WNK2: variants seen among roughly 807,000 people sequenced by gnomAD.
The protein encoded by WNK2 is WNK lysine deficient protein kinase 2, also known as serine/threonine-protein kinase WNK2.
A neutral mutation model predicts 192.1 loss-of-function variants in WNK2; 67 were observed. The observed-to-expected ratio is 0.35, with a 90% CI of 0.29 to 0.43. The LOEUF is 0.43. Ranked by LOEUF, WNK2 falls within the 20% of genes least tolerant of loss-of-function variation. The probability of loss-of-function intolerance (pLI) is 1.00; values close to 1 mark genes in which losing one functional copy is unlikely to be tolerated. For missense variants in WNK2, 2,698 were observed against 3,089.7 expected (o/e 0.87, Z 3.01); for synonymous variants, 1,439 against 1,393.9 (o/e 1.03, Z -0.72).
In WNK2 at chr9:93,191,740, A is replaced by C. The variant is rs569832583; in HGVS notation, c.681+6130A>C. Among the ~76,000 whole-genome samples the C allele has an allele frequency of 9.9e-5, 15 of 152,260 alleles. No individual in the cohort carries two copies. In the East Asian group the frequency reaches 2.7e-3, roughly 27 times the overall value. On this transcript the variant is annotated intron_variant, in intron 2 of 29. Transcript: ENST00000427277. ...CATCAGATCTGAAGGTAGAGAAGGT[A>C]GGAATCGTCCAGGCATGGTGACTCA...
intron 2 of WNK2, among the ~76,000 whole-genome samples, chr9:93,210,476 G>A (rs1391424637): frequency 6.6e-6 from 1 of 152,116 alleles, no homozygotes. Context: ...CTGCCTCTGG[G>A]CCCATTGAAC....
chr9:93,224,554 G>A (rs976581276), intron 2 of WNK2, among the ~76,000 whole-genome samples: 2 of 152,196 alleles, frequency 1.3e-5, no homozygotes, highest in African/African-American at 4.8e-5. Flanking sequence ...GGGCTTTGCT[G>A]CCCGGCTTGG....
In WNK2 at chr9:93,239,375, C is replaced by T. The variant is rs368490473; in HGVS notation, c.1323-382C>T. Among the ~76,000 whole-genome samples, 20 of 152,356 alleles carry T rather than the reference C, an allele frequency of 1.3e-4. No homozygotes were observed. Among genetic ancestry groups the T allele is most frequent in the African/African-American group, 4.8e-4 (20 of 41,590 alleles). The stretch of plus-strand genomic sequence containing the variant: ...GCTCCGCCTCTGTGTCCATTTTAGA[C>T]CTACCCAGGACTAAACACTAAAATG... On this transcript the variant is annotated intron_variant, in intron 6 of 29. Coordinates refer to ENST00000427277, the MANE Select transcript of WNK2 (RefSeq NM_006648.4). The surrounding 1 kb of genome is among the most constrained non-coding windows in gnomAD (Gnocchi z 4.2).
chr9:93,289,706 G>T, intron 20 of WNK2, 86 bp downstream of exon 20: 1 of 1,304,852 alleles, frequency 7.7e-7, no homozygotes, highest in Non-Finnish European at 1.0e-6. Flanking sequence ...AGGCATCTTG[G>T]CTATGCAGAG....
At chr9:93,188,434 G>T (rs1829733783) in intron 2 of WNK2, among the ~76,000 whole-genome samples, 1 of 152,244 alleles carries the variant, frequency 6.6e-6, no homozygotes, top group Non-Finnish European at 1.5e-5. Context: ...ACATCGAAGG[G>T]CAGTGAGGTG....
intron 2 of WNK2, among the ~76,000 whole-genome samples, chr9:93,206,750 T>C (rs1270791354): frequency 6.6e-6 from 1 of 152,170 alleles, no homozygotes; most frequent in Non-Finnish European, 1.5e-5. Flanking sequence ...CTGTGCCCTC[T>C]TGGGGAGGGC....
At chr9:93,263,768 G>A (rs1844685130) in intron 15 of WNK2, 34 bp downstream of exon 15, 3 of 902,352 alleles carry the variant, frequency 3.3e-6, no homozygotes, top group East Asian at 4.4e-5. Flanking sequence ...GGTGTGGTGG[G>A]GGTGGGGGCA....
Position 93,247,598 on chromosome 9 carries a change from G to C in WNK2, c.1598G>C (p.Arg533Pro), listed in dbSNP as rs778612954. 6.2e-7 allele frequency: 1 copy of C among 1,606,378 alleles called. No individual in the cohort carries two copies. The highest frequency in any genetic ancestry group is 1.3e-5 in the African/African-American group (1 of 74,800). Residue 533 changes from arginine to proline, a missense_variant, in exon 8 of 30, where the codon CGT becomes CCT. This residue lies in a region of WNK2 where 230 missense variants were observed against 501.1 expected (regional missense o/e 0.46). Transcript: ENST00000427277. The surrounding 1 kb of genome is among the most constrained non-coding windows in gnomAD (Gnocchi z 5.2). ...SDVKIVAKSIRDRVALIQWRR... is the reference protein window; with the variant it reads ...SDVKIVAKSIPDRVALIQWRR... ...GTCAAGATCGTGGCCAAGTCCATCC[G>C]TGACCGCGTGGCCTTGATCCAGTGG...
chr9:93,198,486 C>T (rs1831696352), intron 2 of WNK2, among the ~76,000 whole-genome samples: 1 of 152,162 alleles, frequency 6.6e-6, no homozygotes, highest in African/African-American at 2.4e-5. Context: ...CTATGTTGTT[C>T]CTCCTACCTG....
intron 29 of WNK2, chr9:93,318,095 C>T (rs1417054058): frequency 1.0e-5 from 16 of 1,588,808 alleles, no homozygotes; most frequent in South Asian, 2.2e-5. Context: ...AGAACCTTGT[C>T]GTCACCCTGC....
At chr9:93,210,546 G>A (rs115894240) in intron 2 of WNK2, among the ~76,000 whole-genome samples, 2,493 of 152,194 alleles carry the variant, frequency 0.016, 58 homozygotes, top group African/African-American at 0.057. Flanking sequence ...CAAGCCTGCC[G>A]CACATCAGCC....
intron 29 of WNK2, among the ~76,000 whole-genome samples, chr9:93,319,866 AGAC>A (rs1374399998): frequency 6.6e-6 from 1 of 152,178 alleles, no homozygotes; most frequent in African/African-American, 2.4e-5. Context: ...ATCCCACTAA[AGAC>A]AGCCTCGAGC....
In WNK2 at chr9:93,311,619, G is replaced by GTGTGTGTGTGTA. The variant is rs1388675456; in HGVS notation, c.6516+3046_6516+3047insATGTGTGTGTGT. Among the ~76,000 whole-genome samples the GTGTGTGTGTGTA allele has an allele frequency of 7.3e-5, 11 of 151,398 alleles. No homozygotes were observed. The South Asian group carries it at 8.4e-4, about 12-fold the overall frequency. ...CCTTTCTGGGTTTTTTTGTTTGTGT[G>GTGTGTGTGTGTA]TGTGTGTGTGTGTGTGTGTGTTTTG... On this transcript the variant is annotated intron_variant, in intron 28 of 29. Transcript: ENST00000427277.
At chr9:93,252,610 G>A (rs1216774788) in intron 8 of WNK2, among the ~76,000 whole-genome samples, 5 of 152,236 alleles carry the variant, frequency 3.3e-5, no homozygotes, top group Non-Finnish European at 7.3e-5. Flanking sequence ...ACGGCGGGCT[G>A]GTTGTGGGTA....
At position 93,261,964 on chromosome 9, in the gene WNK2, C is replaced by T. The variant is rs901987144; in HGVS notation, c.3217C>T (p.Leu1073=). The T allele has an allele frequency of 6.2e-7, 1 of 1,611,924 alleles. No homozygotes were observed. Among genetic ancestry groups the T allele is most frequent in the Non-Finnish European group, 8.5e-7 (1 of 1,179,734 alleles). ...GCTCCTGCCTCAGTTCCCCAGCTCC[C>T]TGGCCACGGTGTCTGCCTCTGTGCA... ...PELLPQFPSS[L]ATVSASVQSV... The change falls in exon 13 of 30, where the codon CTG becomes TTG. Residue 1073 remains leucine, a synonymous_variant. Coordinates refer to ENST00000427277, the MANE Select transcript of WNK2 (RefSeq NM_006648.4).
chr9:93,184,617 C>T (rs1828927101), intron 1 of WNK2, among the ~76,000 whole-genome samples: 1 of 151,886 alleles, frequency 6.6e-6, no homozygotes, highest in South Asian at 2.1e-4. Flanking sequence ...CGCGAGATCC[C>T]TCTGCCGGCC....
chr9:93,197,900 G>C (rs1831571868), intron 2 of WNK2, among the ~76,000 whole-genome samples: 1 of 152,138 alleles, frequency 6.6e-6, no homozygotes, highest in Non-Finnish European at 1.5e-5. Context: ...GATCCGGCTA[G>C]GCTGGTCCCT....
chr9:93,212,629 T>C (rs912395427), intron 2 of WNK2, among the ~76,000 whole-genome samples: 3 of 152,164 alleles, frequency 2.0e-5, no homozygotes, highest in Non-Finnish European at 4.4e-5. Context: ...CTGCTGAGCC[T>C]GTCTGTGTCT....
chr9:93,207,962 C>T (rs1833697271), intron 2 of WNK2, among the ~76,000 whole-genome samples: 1 of 152,212 alleles, frequency 6.6e-6, no homozygotes, highest in African/African-American at 2.4e-5. Context: ...CCACGTGGCA[C>T]CTTGATGCCT....
Sources: gnomAD v4.1 joint callset for allele counts (sites outside exome capture counted in the v4.1 genomes callset) on GRCh38, gnomAD v4.1.1 for gene constraint, gnomAD v4.1.1 regional missense constraint, Gnocchi (gnomAD v3.1) non-coding constraint, MANE v1.5 for transcripts, NCBI Gene and HGNC (gene_info 2026-07-23, HGNC 2026-07-21) for gene names.